Variants in C9orf50 observed in about 807,000 individuals in gnomAD.
C9orf50 encodes uncharacterized protein C9orf50.
Under a neutral mutation model 42.5 loss-of-function variants are expected in C9orf50, and 33 were observed. The ratio of observed to expected loss-of-function variants is 0.78; its 90% CI spans 0.59 to 1.04. The LOEUF (loss-of-function observed/expected upper bound fraction) is 1.04, where lower values mean the gene tolerates loss of function less well. Ranked by LOEUF, C9orf50 falls within the 50% of genes least tolerant of loss-of-function variation. C9orf50 has a pLI of 0.00. For missense variants in C9orf50, 547 were observed against 594.3 expected, an observed-to-expected ratio of 0.92 and a Z score of 0.83; for synonymous variants, 257 against 273.4, an observed-to-expected ratio of 0.94 and a Z score of 0.59.
chr9:129,613,298 G>A lies in C9orf50; in HGVS notation c.1044-47C>T, dbSNP rs1339681615. ...GAGCTTCCTGGACTCTGAGTCCCCG[G>A]CCCACCCATGGCTGGCAGGGCCCTT... On this transcript the variant is annotated intron_variant, in intron 5 of 6. Coordinates refer to ENST00000372478, the Ensembl canonical transcript of C9orf50. The surrounding 1 kb of genome is among the most constrained non-coding windows in gnomAD (Gnocchi z 6.2). 1.3e-6 allele frequency: 2 copies of A among 1,570,132 alleles called. No individual in the cohort carries two copies. The highest frequency in any genetic ancestry group is 1.7e-6 in the Non-Finnish European group (2 of 1,156,794).
At chr9:129,621,078 A>G (rs1830686192), upstream of C9orf50, among the ~76,000 whole-genome samples, 1 of 152,266 alleles carries the variant, frequency 6.6e-6, no homozygotes, top group South Asian at 2.1e-4. Flanking sequence ...GTGAAACGGC[A>G]TCACCGCATC....
Position 129,620,130 on chromosome 9 carries a change from T to A in C9orf50, c.445A>T (p.Ser149Cys), listed in dbSNP as rs529361671. 2 of 1,457,702 alleles carry A rather than the reference T, an allele frequency of 1.4e-6. No individual in the cohort carries two copies. The highest frequency in any genetic ancestry group is 2.8e-5 in the Admixed American group (1 of 35,618). 90.3% of individuals were successfully genotyped at this position (1,457,702 alleles called of 1,614,324 possible). ...TGGTGCAGGAACTCACGGAACCTGC[T>A]GGGGAGGAGCTCTCCTAGGAAGGCG... Residue 149 changes from serine to cysteine, a missense_variant, in exon 1 of 7, where the codon AGC becomes TGC. By Grantham distance (112) the Ser-to-Cys change is moderately radical. Transcript: ENST00000372478. The surrounding 1 kb of genome is among the most constrained non-coding windows in gnomAD (Gnocchi z 5.8).
At chr9:129,619,404 G>A in intron 3 of C9orf50, 116 bp downstream of exon 3, 1 of 762,096 alleles carries the variant, frequency 1.3e-6, no homozygotes, top group Non-Finnish European at 2.2e-6. Context: ...TGTAAGGATG[G>A]ATGAATGGGT....
chr9:129,619,291 T>C (rs1830552596), intron 3 of C9orf50, among the ~76,000 whole-genome samples: 2 of 152,104 alleles, frequency 1.3e-5, no homozygotes, highest in African/African-American at 4.8e-5. Flanking sequence ...GGATGAATTA[T>C]GTGTTGGTAG....
Position 129,613,372 on chromosome 9 carries a change from G to T in C9orf50, c.1043+63C>A. On this transcript the variant is annotated intron_variant, in intron 5 of 6. Coordinates refer to ENST00000372478, the Ensembl canonical transcript of C9orf50. This position sits in a 1 kb window ranked among gnomAD's most constrained non-coding sequence, Gnocchi z 6.2. ...CTGCTGCTGGGTGGGGAGGTCTGTA[G>T]GCAAGGGGGGTGGAGGGCCCTGGCA... is the stretch of plus-strand genomic sequence containing the variant. The T allele has an allele frequency of 6.3e-7, 1 of 1,593,398 alleles. No individual in the cohort carries two copies. Among genetic ancestry groups the T allele is most frequent in the East Asian group, 2.2e-5 (1 of 44,592 alleles).
At position 129,615,470 on chromosome 9, in the gene C9orf50, T is replaced by A; in HGVS notation, c.880+14A>T. On this transcript the variant is annotated intron_variant, in intron 4 of 6. Coordinates refer to ENST00000372478, the Ensembl canonical transcript of C9orf50. Reference sequence around the variant, plus strand: ...CTTTCGGGAGTCTCGAGGCTCCCCATCCTGTCTGCTTACCTGAGCGTCTGC... The same window carrying A: ...CTTTCGGGAGTCTCGAGGCTCCCCAACCTGTCTGCTTACCTGAGCGTCTGC... The A allele has an allele frequency of 6.4e-7, 1 of 1,570,004 alleles. No individual in the cohort carries two copies. The highest frequency in any genetic ancestry group is 8.6e-7 in the Non-Finnish European group (1 of 1,157,624).
intron 3 of C9orf50, among the ~76,000 whole-genome samples, chr9:129,616,098 A>C (rs930075513): frequency 6.6e-6 from 1 of 152,202 alleles, no homozygotes; most frequent in East Asian, 1.9e-4. Context: ...CTTGTCTGTA[A>C]AATGGGAATC....
At chr9:129,615,349 C>T (rs1830311328) in intron 4 of C9orf50, 135 bp downstream of exon 4, 1 of 974,552 alleles carries the variant, frequency 1.0e-6, no homozygotes, top group Admixed American at 3.3e-5. Flanking sequence ...AGTTCAGGCA[C>T]ATCCTCTGCA....
chr9:129,619,802 A>AC lies in C9orf50; in HGVS notation c.536dup (p.Val180CysfsTer30), dbSNP rs765138458. 1.2e-6 allele frequency: 2 copies of AC among 1,613,836 alleles called. No homozygotes were observed. Among genetic ancestry groups the AC allele is most frequent in the Admixed American group, 3.3e-5 (2 of 59,998 alleles). On this transcript the variant is annotated frameshift_variant, in exon 2 of 7. Coordinates refer to ENST00000372478, the Ensembl canonical transcript of C9orf50. LOFTEE classifies it high-confidence loss of function. ...GAGACCCTGGGCAGTGCTCTAATAC[A>AC]CCCCTTTGATGTTGCGGTGCTGGGG... is the stretch of plus-strand genomic sequence containing the variant.
rs549192183 is a variant in C9orf50 at position 129,614,897 on chromosome 9, G to A, written c.880+587C>T. 1.5e-4 allele frequency among the ~76,000 whole-genome samples: 23 copies of A among 150,758 alleles called. No individual in the cohort carries two copies. The South Asian group carries it at 2.7e-3, about 18-fold the overall frequency. Reference sequence around the variant, plus strand: ...AGCCTGGGCGACAGAGTGAGACTCCGTATCAGAAAAAAAAAAAGAAAAAGA... The same window carrying A: ...AGCCTGGGCGACAGAGTGAGACTCCATATCAGAAAAAAAAAAAGAAAAAGA... On this transcript the variant is annotated intron_variant, in intron 4 of 6. Transcript: ENST00000372478. This position sits in a 1 kb window ranked among gnomAD's most constrained non-coding sequence, Gnocchi z 4.4.
chr9:129,613,134 G>C lies in C9orf50; in HGVS notation c.1161C>G (p.Phe387Leu), dbSNP rs1016248225. 3 of 1,613,830 alleles carry C rather than the reference G, an allele frequency of 1.9e-6. No homozygotes were observed. In the African/African-American group the frequency reaches 4.0e-5, roughly 22 times the overall value. Residue 387 changes from phenylalanine (F) to leucine (L), a missense_variant, in exon 6 of 7, where the codon TTC becomes TTG. Phe to Leu is a conservative substitution (Grantham distance 22). Coordinates refer to ENST00000372478, the Ensembl canonical transcript of C9orf50. This position sits in a 1 kb window ranked among gnomAD's most constrained non-coding sequence, Gnocchi z 6.2. ...GCTCCAGGTTTCTGTGCGGGTCCAA[G>C]AAGGCTCGGAGGCTGCTTCGCGGCC...
chr9:129,620,235 A>G lies in C9orf50; in HGVS notation c.340T>C (p.Ser114Pro). The stretch of plus-strand genomic sequence containing the variant: ...CCAGGCCCTGGCTGCCTGGGCGCCG[A>G]TTCCCGGGACGCGCCGGCCGACAGC... The change falls in exon 1 of 7, where the codon TCG (serine) becomes CCG (proline). Residue 114 changes from serine (S) to proline (P), a missense_variant. Physicochemically the swap from Ser to Pro is moderately conservative, Grantham distance 74 (BLOSUM62 -1). Around this residue, in one of 3 missense-constraint regions of C9orf50, gnomAD observed 108 missense variants for 172.1 expected, o/e 0.63. Transcript: ENST00000372478. This position sits in a 1 kb window ranked among gnomAD's most constrained non-coding sequence, Gnocchi z 5.8. The G allele has an allele frequency of 1.5e-6, 2 of 1,343,212 alleles. No homozygotes were observed. The highest frequency in any genetic ancestry group is 1.9e-6 in the Non-Finnish European group (2 of 1,040,978). The allele number at this position is 1,343,212 out of a possible 1,614,324, so 83.2% of individuals were successfully genotyped here.
chr9:129,619,464 A>C, intron 3 of C9orf50, 56 bp downstream of exon 3: 1 of 1,237,650 alleles, frequency 8.1e-7, no homozygotes. Context: ...GAAAGAAAGA[A>C]GGAAAGAAAT....
Position 129,615,567 on chromosome 9 carries a change from C to T in C9orf50, c.797G>A (p.Arg266Lys), listed in dbSNP as rs775711780. ...TCGCACCCGGAAAGGGCAACGCTGC[C>T]TGCAGGGCCTAGAGCCTTCCCCCGA... is the stretch of plus-strand genomic sequence containing the variant. Residue 266 changes from arginine (R) to lysine (K), a missense_variant, in exon 4 of 7, where the codon AGG becomes AAG. By Grantham distance (26) the Arg-to-Lys change is conservative (BLOSUM62 2). Coordinates refer to ENST00000372478, the Ensembl canonical transcript of C9orf50. 7.5e-6 allele frequency: 12 copies of T among 1,609,656 alleles called. 1 individual carries two copies. In the South Asian group the frequency reaches 1.2e-4, roughly 16 times the overall value.
chr9:129,613,909 C>A lies in C9orf50; in HGVS notation c.881-312G>T, dbSNP rs573654878. Among the ~76,000 whole-genome samples, 32 of 152,304 alleles carry A rather than the reference C, an allele frequency of 2.1e-4. No homozygotes were observed. The South Asian group carries it at 6.6e-3, about 32-fold the overall frequency. ...GAAATCCCAGAAACCATGCTGAGAG[C>A]GTTGAGGGCTTCAGGGAGGGCTGTC... On this transcript the variant is annotated intron_variant, in intron 4 of 6. Coordinates refer to ENST00000372478, the Ensembl canonical transcript of C9orf50. This position sits in a 1 kb window ranked among gnomAD's most constrained non-coding sequence, Gnocchi z 6.2.
At chr9:129,616,353 C>A (rs1260899509) in intron 3 of C9orf50, among the ~76,000 whole-genome samples, 1 of 152,078 alleles carries the variant, frequency 6.6e-6, no homozygotes, top group Non-Finnish European at 1.5e-5. Flanking sequence ...GTAGCTGGGA[C>A]TACAGGCGTG....
Position 129,613,666 on chromosome 9 carries a change from C to T in C9orf50, c.881-69G>A, listed in dbSNP as rs2118855128. On this transcript the variant is annotated intron_variant, in intron 4 of 6. Transcript: ENST00000372478. The surrounding 1 kb of genome is among the most constrained non-coding windows in gnomAD (Gnocchi z 6.2). ...GCACTGGTGCCCCCACCCTCTTTTC[C>T]TCCCTCTGGCAGGCAGGGCCGGTCA... 6.3e-7 allele frequency: 1 copy of T among 1,589,918 alleles called. No individual in the cohort carries two copies. Among genetic ancestry groups the T allele is most frequent in the Non-Finnish European group, 8.6e-7 (1 of 1,165,616 alleles).
chr9:129,619,695 A>G (rs1564338405), intron 2 of C9orf50, 45 bp downstream of exon 2: 1 of 1,612,482 alleles, frequency 6.2e-7, no homozygotes, highest in Non-Finnish European at 8.5e-7. Context: ...CCCTGGAAAC[A>G]TCGATGGCAA....
Position 129,620,749 on chromosome 9 carries a change from A to G in C9orf50, c.-175T>C. 1 of 509,414 alleles carries G rather than the reference A, an allele frequency of 2.0e-6. No individual in the cohort carries two copies. The highest frequency in any genetic ancestry group is 3.0e-6 in the Non-Finnish European group (1 of 328,984). 31.6% of individuals were successfully genotyped at this position (509,414 alleles called of 1,614,324 possible). A position where few individuals can be genotyped will look rare whatever the true frequency, so the allele number is the denominator to read the frequency against. On this transcript the variant is annotated 5_prime_UTR_variant, in exon 1 of 7. Coordinates refer to ENST00000372478, the Ensembl canonical transcript of C9orf50. This position sits in a 1 kb window ranked among gnomAD's most constrained non-coding sequence, Gnocchi z 5.8. ...CGAGTGGCTTCAGGCGAGAGCTCCC[A>G]GAGCCTCTGTTTCCTCACCTGAAAA...
Sources: allele counts gnomAD v4.1 joint callset (sites outside exome capture counted in the v4.1 genomes callset), GRCh38; gene constraint gnomAD v4.1.1; regional missense constraint gnomAD v4.1.1; non-coding constraint Gnocchi (gnomAD v3.1); transcripts MANE v1.5; gene names NCBI Gene and HGNC (gene_info 2026-07-23, HGNC 2026-07-21).